Variants in EGFLAM observed in about 807,000 individuals in gnomAD.
EGFLAM encodes the protein pikachurin.
Under a neutral mutation model 113.1 loss-of-function variants are expected in EGFLAM, and 79 were observed. That is an observed-to-expected ratio of 0.70 (90% CI 0.58 to 0.84). The LOEUF is 0.84. Among genes scored for constraint, EGFLAM ranks in the 40% least tolerant of loss-of-function variants. EGFLAM has a pLI of 0.00. For synonymous variants in EGFLAM, 504 were observed against 487.6 expected (o/e 1.03, Z -0.44); for missense variants, 1,265 against 1,291.6 (o/e 0.98, Z 0.32).
intron 1 of EGFLAM, among the ~76,000 whole-genome samples, chr5:38,313,013 C>A (rs2367216): frequency 0.6 from 90,492 of 151,920 alleles, 27,903 homozygotes; most frequent in East Asian, 0.77. Flanking sequence ...GCTTGAACCC[C>A]GGAGGTGGAG....
At position 38,438,366 on chromosome 5, in the gene EGFLAM, C is replaced by A. The variant is rs1341343665; in HGVS notation, c.2375C>A (p.Pro792His). Residue 792 changes from proline (P) to histidine (H), a missense_variant, in exon 17 of 22, where the codon CCT becomes CAT. Pro to His is a moderately conservative substitution (Grantham distance 77, BLOSUM62 -2). Transcript: ENST00000322350. ...GCGGCCCACCCCTGTGTGAGAGCCC[C>A]TTGTGCCCATGGGGGCAGCTGCCGG... ...ENAAHPCVRAPCAHGGSCRPR... is the reference protein window; with the variant it reads ...ENAAHPCVRAHCAHGGSCRPR... 1.2e-6 allele frequency: 2 copies of A among 1,614,072 alleles called. No homozygotes were observed. The highest frequency in any genetic ancestry group is 2.7e-5 in the African/African-American group (2 of 75,052).
At chr5:38,355,815 C>A (rs1419174860) in intron 5 of EGFLAM, among the ~76,000 whole-genome samples, 1 of 152,196 alleles carries the variant, frequency 6.6e-6, no homozygotes, top group African/African-American at 2.4e-5. Context: ...GGCTGGAGTG[C>A]AACAGCATGA....
At chr5:38,406,002 C>T in intron 6 of EGFLAM, 124 bp from the exon 7 acceptor site, 1 of 777,576 alleles carries the variant, frequency 1.3e-6, no homozygotes, top group Non-Finnish European at 2.3e-6. Context: ...GTGTTGAATT[C>T]ATTGTTATGT....
chr5:38,351,110 T>C (rs1321752121), intron 4 of EGFLAM, among the ~76,000 whole-genome samples: 1 of 126,736 alleles, frequency 7.9e-6, no homozygotes, highest in Admixed American at 7.8e-5. Context: ...GCAGCACTTC[T>C]TTTTTTTTTT....
intron 1 of EGFLAM, among the ~76,000 whole-genome samples, chr5:38,264,878 A>G (rs1019030244): frequency 3.9e-5 from 6 of 152,208 alleles, no homozygotes; most frequent in African/African-American, 1.4e-4. Flanking sequence ...CAATTCAGGC[A>G]GACAGAAATG....
intron 1 of EGFLAM, among the ~76,000 whole-genome samples, chr5:38,325,944 TTA>T (rs1322844431): frequency 6.6e-6 from 1 of 151,810 alleles, no homozygotes; most frequent in African/African-American, 2.4e-5. Context: ...TACATAAATA[TTA>T]TGTTTACGTA....
intron 17 of EGFLAM, among the ~76,000 whole-genome samples, chr5:38,439,429 C>T (rs73075489): frequency 2.0e-5 from 3 of 151,488 alleles, no homozygotes; most frequent in African/African-American, 4.9e-5. Context: ...AAGCAATGAG[C>T]CTCTGAAGGA....
chr5:38,388,736 G>A (rs1377344582), intron 6 of EGFLAM, among the ~76,000 whole-genome samples: 2 of 150,050 alleles, frequency 1.3e-5, no homozygotes, highest in African/African-American at 4.9e-5. Context: ...CTCCAGCCTG[G>A]GCAACAGAGT....
chr5:38,425,178 A>T (rs1205754194), intron 13 of EGFLAM, 86 bp downstream of exon 13: 7 of 1,516,530 alleles, frequency 4.6e-6, no homozygotes, highest in African/African-American at 1.4e-5. Flanking sequence ...TTTCTTTGTT[A>T]ATTTGTTTGT....
chr5:38,341,339 A>G (rs1471254136), intron 3 of EGFLAM, among the ~76,000 whole-genome samples: 1 of 152,234 alleles, frequency 6.6e-6, no homozygotes, highest in African/African-American at 2.4e-5. Flanking sequence ...TTCACAGGGC[A>G]GCAGGAGAGG....
At chr5:38,260,818 T>G (rs1205895293) in intron 1 of EGFLAM, among the ~76,000 whole-genome samples, 1 of 152,194 alleles carries the variant, frequency 6.6e-6, no homozygotes, top group African/African-American at 2.4e-5. Context: ...AAAGACTAGT[T>G]TTTGATCCGG....
intron 6 of EGFLAM, among the ~76,000 whole-genome samples, chr5:38,378,103 CTCT>C (rs1740411816): frequency 6.6e-6 from 1 of 152,142 alleles, no homozygotes; most frequent in African/African-American, 2.4e-5. Context: ...CAGAAACATA[CTCT>C]TCCACTGAGC....
At chr5:38,283,895 C>T (rs763749996) in intron 1 of EGFLAM, 14 of 151,710 alleles carry the variant, frequency 9.2e-5, no homozygotes, top group Admixed American at 2.0e-4. Context: ...AGAGGTTGTT[C>T]CTGCTCTCTA....
chr5:38,413,943 C>T (rs892844393), intron 11 of EGFLAM, among the ~76,000 whole-genome samples: 1 of 152,200 alleles, frequency 6.6e-6, no homozygotes, highest in African/African-American at 2.4e-5. Context: ...GTTCGTGCTC[C>T]TGTAAGAATC....
intron 1 of EGFLAM, among the ~76,000 whole-genome samples, chr5:38,292,482 T>C (rs938429470): frequency 5.3e-5 from 8 of 152,244 alleles, no homozygotes; most frequent in Non-Finnish European, 1.2e-4. Flanking sequence ...TTTGCTTTCA[T>C]CTTCCAGGTT....
intron 20 of EGFLAM, among the ~76,000 whole-genome samples, chr5:38,462,010 T>C (rs965010918): frequency 5.9e-5 from 9 of 151,580 alleles, no homozygotes; most frequent in African/African-American, 1.5e-4. Flanking sequence ...CTAAAAAAAA[T>C]ACAAAAAATT....
chr5:38,421,232 C>T (rs916500624), intron 12 of EGFLAM, among the ~76,000 whole-genome samples: 6 of 152,188 alleles, frequency 3.9e-5, no homozygotes, highest in East Asian at 1.9e-4. Flanking sequence ...TCCTGTCTTT[C>T]GTTAGACTGT....
chr5:38,382,923 C>G lies in EGFLAM; in HGVS notation c.712+12461C>G, dbSNP rs150805211. ...TTTTGGCCCAGTGGAATGTATCTCC[C>G]ATCACTGATGTTGATCACAGGATCC... is the stretch of plus-strand genomic sequence containing the variant. On this transcript the variant is annotated intron_variant, in intron 6 of 21. Transcript: ENST00000322350. Among the ~76,000 whole-genome samples the G allele has an allele frequency of 1.7e-3, 254 of 152,292 alleles. 2 individuals carry two copies. The highest frequency in any genetic ancestry group is 5.9e-3 in the African/African-American group (247 of 41,558).
At position 38,362,497 on chromosome 5, in the gene EGFLAM, GA is replaced by G. The variant is rs33998032; in HGVS notation, c.546-7793del. The stretch of plus-strand genomic sequence containing the variant: ...AACAGTTAATTTTGGGAGGAAATGG[GA>G]AAAAACAACCCTCCCTAATCTCCCT... On this transcript the variant is annotated intron_variant, in intron 5 of 21. Coordinates refer to ENST00000322350, the MANE Select transcript of EGFLAM (RefSeq NM_152403.4). Among the ~76,000 whole-genome samples, 4 of 152,084 alleles carry G rather than the reference GA, an allele frequency of 2.6e-5. No homozygotes were observed. The East Asian group carries it at 7.7e-4, about 29-fold the overall frequency.
Sources: allele counts gnomAD v4.1 joint callset (sites outside exome capture counted in the v4.1 genomes callset), GRCh38; gene constraint gnomAD v4.1.1; transcripts MANE v1.5; gene names NCBI Gene and HGNC (gene_info 2026-07-23, HGNC 2026-07-21).